Variants in FLT1 observed in about 807,000 individuals in gnomAD.
The protein encoded by FLT1 is fms related receptor tyrosine kinase 1, also known as vascular endothelial growth factor receptor 1.
In FLT1, 49 loss-of-function variants were observed where a neutral mutation model predicts 156.3. That is an observed-to-expected ratio of 0.31 (90% confidence interval 0.25 to 0.40). FLT1 has a LOEUF of 0.40. Ranked by LOEUF, FLT1 falls within the 10% of genes least tolerant of loss-of-function variation. FLT1 has a pLI of 1.00. For synonymous variants in FLT1, 594 were observed against 583.8 expected (o/e 1.02, Z -0.25); for missense variants, 1,322 against 1,637.2 (o/e 0.81, Z 3.32).
intron 23 of FLT1, among the ~76,000 whole-genome samples, chr13:28,320,147 T>C (rs753612236): frequency 3.3e-5 from 5 of 151,746 alleles, no homozygotes; most frequent in Admixed American, 6.6e-5. Context: ...ATGATGGGGA[T>C]TGATGGGAGG....
intron 14 of FLT1, among the ~76,000 whole-genome samples, chr13:28,358,691 A>T (rs1872997538): frequency 6.6e-6 from 1 of 152,222 alleles, no homozygotes; most frequent in South Asian, 2.1e-4. Context: ...GGAAAAATTA[A>T]TTCCTACCAA....
chr13:28,386,805 C>G, intron 13 of FLT1: 2 of 1,052,626 alleles, frequency 1.9e-6, no homozygotes, highest in Non-Finnish European at 2.3e-6. Flanking sequence ...ATTATTTAGT[C>G]GCTTTTACAG....
At chr13:28,448,330 A>C (rs1198851721) in intron 3 of FLT1, among the ~76,000 whole-genome samples, 2 of 152,256 alleles carry the variant, frequency 1.3e-5, no homozygotes, top group Non-Finnish European at 2.9e-5. Flanking sequence ...AGCACTATTC[A>C]TAATAGGCAA....
chr13:28,378,558 G>A (rs1487193818), intron 14 of FLT1, among the ~76,000 whole-genome samples: 1 of 152,088 alleles, frequency 6.6e-6, no homozygotes, highest in East Asian at 1.9e-4. Context: ...CTGAACCTTG[G>A]AGGGCTACTC....
Position 28,494,988 on chromosome 13 carries a change from TC to T in FLT1, c.-146del. Reference sequence around the variant, plus strand: ...CGGCTCCAGCCAGGAGACAACCACTTCCCCGGGTAATCCTCGCCGCCAGGCG... The same window carrying T: ...CGGCTCCAGCCAGGAGACAACCACTTCCCGGGTAATCCTCGCCGCCAGGCG... On this transcript the variant is annotated 5_prime_UTR_variant, in exon 1 of 30. Coordinates refer to ENST00000282397, the MANE Select transcript of FLT1 (RefSeq NM_002019.4). 1 of 567,444 alleles carries T rather than the reference TC, an allele frequency of 1.8e-6. No homozygotes were observed. The highest frequency in any genetic ancestry group is 2.9e-6 in the Non-Finnish European group (1 of 349,842). The allele number at this position is 567,444 out of a possible 1,614,324, so 35.2% of individuals were successfully genotyped here.
rs2138826417 is a variant in FLT1, at chr13:28,319,428, G to C, written c.3281C>G (p.Ser1094Cys). 1.2e-6 allele frequency: 2 copies of C among 1,603,138 alleles called. No homozygotes were observed. Among genetic ancestry groups the C allele is most frequent in the Non-Finnish European group, 1.7e-6 (2 of 1,170,236 alleles). ...CTTCCTTCTCCCAAATTTACCTAAG[G>C]AGAAGATTTCCCACAGCAATACTCC... ...SYGVLLWEIFSLGGSPYPGVQ... is the reference protein window; with the variant it reads ...SYGVLLWEIFCLGGSPYPGVQ... Residue 1094 changes from serine to cysteine, a missense_variant, in exon 24 of 30, where the codon TCC (serine) becomes TGC (cysteine). Around this residue, in one of 3 missense-constraint regions of FLT1, gnomAD observed 329 missense variants for 366.2 expected, o/e 0.90. Transcript: ENST00000282397.
chr13:28,361,171 C>T (rs749522873), intron 14 of FLT1, among the ~76,000 whole-genome samples: 4 of 151,822 alleles, frequency 2.6e-5, no homozygotes, highest in East Asian at 3.9e-4. Flanking sequence ...CCCAGCTACT[C>T]GGGAGGCTGA....
intron 11 of FLT1, among the ~76,000 whole-genome samples, chr13:28,398,752 G>C (rs1875226843): frequency 1.3e-5 from 2 of 152,188 alleles, no homozygotes; most frequent in Non-Finnish European, 2.9e-5. Context: ...GATTATCAAG[G>C]CATTGCCCAG....
In FLT1 at chr13:28,473,155, A is replaced by G. The variant is rs936254879; in HGVS notation, c.65-5538T>C. ...GGAACCCTCTTACATCGCAGGTAGG[A>G]CTTTTAAACGGTGCAACCCACTTTG... is the stretch of plus-strand genomic sequence containing the variant. On this transcript the variant is annotated intron_variant, in intron 1 of 29. Coordinates refer to ENST00000282397, the MANE Select transcript of FLT1 (RefSeq NM_002019.4). Among the ~76,000 whole-genome samples the G allele has an allele frequency of 7.9e-5, 12 of 152,296 alleles. No homozygotes were observed. In the East Asian group the frequency reaches 2.3e-3, roughly 29 times the overall value.
intron 14 of FLT1, among the ~76,000 whole-genome samples, chr13:28,369,385 C>T (rs1315379380): frequency 2.6e-5 from 4 of 152,130 alleles, no homozygotes; most frequent in East Asian, 3.9e-4. Flanking sequence ...ATTAGCCAGG[C>T]GTGGTGGTGG....
In FLT1 at chr13:28,321,593, A is replaced by G; in HGVS notation, c.3052-8T>C. The G allele has an allele frequency of 6.2e-7, 1 of 1,613,930 alleles. No homozygotes were observed. The highest frequency in any genetic ancestry group is 8.5e-7 in the Non-Finnish European group (1 of 1,179,806). On this transcript the variant is annotated splice_region_variant and splice_polypyrimidine_tract_variant and intron_variant, in intron 22 of 29. Coordinates refer to ENST00000282397, the MANE Select transcript of FLT1 (RefSeq NM_002019.4). ...CAGGTCCCGATGAATGCACTATAAT[A>G]AAACAGTTGCATAATCAATGCATTT...
chr13:28,476,490 G>C (rs1593838935), intron 1 of FLT1, among the ~76,000 whole-genome samples: 1 of 152,194 alleles, frequency 6.6e-6, no homozygotes. Context: ...TGTTTAGGCA[G>C]CTGCTGTCCA....
intron 29 of FLT1, among the ~76,000 whole-genome samples, chr13:28,304,119 G>C (rs1870635335): frequency 6.6e-6 from 1 of 152,130 alleles, no homozygotes; most frequent in Non-Finnish European, 1.5e-5. Flanking sequence ...AGACCGGTCT[G>C]GACTAACGTG....
intron 10 of FLT1, among the ~76,000 whole-genome samples, chr13:28,413,444 G>T (rs1258654838): frequency 6.6e-6 from 1 of 151,462 alleles, no homozygotes; most frequent in Admixed American, 6.6e-5. Context: ...AGGGCCAGGG[G>T]ATCCTCGTGG....
chr13:28,341,526 T>A (rs927567425), intron 16 of FLT1, among the ~76,000 whole-genome samples: 2 of 152,158 alleles, frequency 1.3e-5, no homozygotes, highest in African/African-American at 4.8e-5. Flanking sequence ...AATGAAATAA[T>A]CCATGGAAAG....
chr13:28,434,719 C>G (rs866986172), intron 4 of FLT1, among the ~76,000 whole-genome samples: 1 of 152,156 alleles, frequency 6.6e-6, no homozygotes, highest in Non-Finnish European at 1.5e-5. Flanking sequence ...CCCGTCTCTA[C>G]TAGAAATACA....
At chr13:28,414,088 C>T (rs1489782354) in intron 10 of FLT1, among the ~76,000 whole-genome samples, 3 of 152,168 alleles carry the variant, frequency 2.0e-5, no homozygotes, top group Non-Finnish European at 2.9e-5. Context: ...ATGTTAGTTA[C>T]CAGAGCTGAC....
chr13:28,319,562 A>C (rs1255888954), intron 23 of FLT1, 28 bp from the exon 24 acceptor site: 1 of 1,389,896 alleles, frequency 7.2e-7, no homozygotes, highest in Non-Finnish European at 1.0e-6. Flanking sequence ...GGCCTTGAGC[A>C]GAAGGGCATG....
intron 19 of FLT1, among the ~76,000 whole-genome samples, chr13:28,328,741 G>A (rs946170124): frequency 1.3e-5 from 2 of 152,220 alleles, no homozygotes; most frequent in Non-Finnish European, 2.9e-5. Flanking sequence ...CCATGCTGGC[G>A]CCCAGCTGCA....
Sources: gnomAD v4.1 joint callset for allele counts (sites outside exome capture counted in the v4.1 genomes callset) on GRCh38, gnomAD v4.1.1 for gene constraint, gnomAD v4.1.1 regional missense constraint, MANE v1.5 for transcripts, NCBI Gene and HGNC (gene_info 2026-07-23, HGNC 2026-07-21) for gene names.